DCLK1: variants seen among roughly 807,000 people sequenced by gnomAD.
The protein encoded by DCLK1 is serine/threonine-protein kinase DCLK1.
A neutral mutation model predicts 86.2 loss-of-function variants in DCLK1; 16 were observed. That is an observed-to-expected ratio of 0.19 (90% confidence interval 0.13 to 0.28). The LOEUF is 0.28. Among genes scored for constraint, DCLK1 ranks in the 10% least tolerant of loss-of-function variants. The pLI, the probability that DCLK1 is intolerant of heterozygous loss-of-function variation, is 1.00. For missense variants in DCLK1, 590 were observed against 940.2 expected, an observed-to-expected ratio of 0.63 and a Z score of 4.87; for synonymous variants, 369 against 370.5, an observed-to-expected ratio of 1.00 and a Z score of 0.05.
At position 36,117,818 on chromosome 13, in the gene DCLK1, GAA is replaced by G. The variant is rs369938399; in HGVS notation, c.377-5605_377-5604del. 9.0e-4 allele frequency among the ~76,000 whole-genome samples: 137 copies of G among 152,270 alleles called. 1 individual carries two copies. Among genetic ancestry groups the G allele is most frequent in the African/African-American group, 3.2e-3 (133 of 41,562 alleles). On this transcript the variant is annotated intron_variant, in intron 2 of 16. Coordinates refer to ENST00000360631, the MANE Select transcript of DCLK1 (RefSeq NM_001330071.2). ...AGGTTAGAAAGCAAGATGTGTCTATGAAAAGATTCCACCACAAGGCAGTAAGT... is the reference window on the plus strand; with the variant it reads ...AGGTTAGAAAGCAAGATGTGTCTATGAAGATTCCACCACAAGGCAGTAAGT...
chr13:36,026,922 GA>G (rs1882057635), intron 3 of DCLK1, among the ~76,000 whole-genome samples: 1 of 152,074 alleles, frequency 6.6e-6, no homozygotes, highest in African/African-American at 2.4e-5. Flanking sequence ...AAGGTATATT[GA>G]TATAGAGAGC....
chr13:35,878,580 G>C (rs1038240917), intron 4 of DCLK1, among the ~76,000 whole-genome samples: 1 of 151,982 alleles, frequency 6.6e-6, no homozygotes, highest in African/African-American at 2.4e-5. Flanking sequence ...AAATGAATAA[G>C]ATCTAGTATT....
chr13:36,013,739 GCTGTGGTGGGCTCCACC>G (rs1456840868), intron 3 of DCLK1, among the ~76,000 whole-genome samples: 1 of 152,218 alleles, frequency 6.6e-6, no homozygotes, highest in Non-Finnish European at 1.5e-5. Flanking sequence ...GCTTCCTTGA[GCTGTGGTGGGCTCCACC>G]CAGTTCGAGC....
intron 3 of DCLK1, among the ~76,000 whole-genome samples, chr13:36,102,418 T>C (rs117369267): frequency 5.9e-5 from 9 of 152,324 alleles, no homozygotes; most frequent in Non-Finnish European, 1.3e-4. Context: ...AGAAATGTCA[T>C]TTAACAAATT....
intron 3 of DCLK1, among the ~76,000 whole-genome samples, chr13:36,110,057 T>G (rs73527302): frequency 0.019 from 2,956 of 152,294 alleles, 108 homozygotes; most frequent in African/African-American, 0.068. Context: ...TTTATCCATA[T>G]GTATTCTTTG....
chr13:35,851,408 C>T (rs1423003361), intron 6 of DCLK1, among the ~76,000 whole-genome samples: 1 of 152,136 alleles, frequency 6.6e-6, no homozygotes, highest in Non-Finnish European at 1.5e-5. Flanking sequence ...GCTACTAGAT[C>T]TCGGTTGGTA....
chr13:36,031,096 G>A (rs941705287), intron 3 of DCLK1, among the ~76,000 whole-genome samples: 6 of 152,122 alleles, frequency 3.9e-5, no homozygotes, highest in African/African-American at 1.4e-4. Flanking sequence ...CTCAGACTCC[G>A]TCTCTGGAGT....
intron 3 of DCLK1, among the ~76,000 whole-genome samples, chr13:36,016,944 C>G (rs2153149562): frequency 6.6e-6 from 1 of 152,226 alleles, no homozygotes; most frequent in East Asian, 1.9e-4. Flanking sequence ...TTACACATGG[C>G]TAGTGGCACG....
Position 36,045,330 on chromosome 13 carries a change from G to GGATA in DCLK1, c.723+66538_723+66539insTATC, listed in dbSNP as rs1882850388. 7.1e-5 allele frequency among the ~76,000 whole-genome samples: 4 copies of GGATA among 56,622 alleles called. No homozygotes were observed. In the Admixed American group the frequency reaches 1.0e-3, roughly 15 times the overall value. 37.1% of individuals were successfully genotyped at this position (56,622 alleles called of 152,430 possible). A position where few individuals can be genotyped will look rare whatever the true frequency, so the allele number is the denominator to read the frequency against. On this transcript the variant is annotated intron_variant, in intron 3 of 16. Transcript: ENST00000360631. ...TATATGTCTATATATGTGTGTGTGT[G>GGATA]TGTATATATATATATATATATATAT...
chr13:35,937,096 A>G (rs967821380), intron 4 of DCLK1, among the ~76,000 whole-genome samples: 3 of 150,834 alleles, frequency 2.0e-5, no homozygotes, highest in African/African-American at 7.3e-5. Flanking sequence ...CAGCCTCCCA[A>G]GTAGCTGGGA....
chr13:35,898,969 G>A (rs549110924), intron 4 of DCLK1, among the ~76,000 whole-genome samples: 6 of 151,988 alleles, frequency 3.9e-5, no homozygotes, highest in South Asian at 2.1e-4. Context: ...TCAAACTCCC[G>A]GGCTCAAGTG....
At chr13:35,790,501 A>G (rs951657052) in intron 16 of DCLK1, among the ~76,000 whole-genome samples, 5 of 152,230 alleles carry the variant, frequency 3.3e-5, no homozygotes, top group African/African-American at 9.6e-5. Context: ...TAAAGGGTGT[A>G]TGTAATTCTA....
intron 15 of DCLK1, among the ~76,000 whole-genome samples, chr13:35,795,614 AT>A (rs2086792242): frequency 6.6e-6 from 1 of 152,230 alleles, no homozygotes; most frequent in East Asian, 1.9e-4. Context: ...TATATAAAAA[AT>A]GTTTTTATTA....
intron 16 of DCLK1, among the ~76,000 whole-genome samples, chr13:35,792,129 G>A (rs1344360569): frequency 5.3e-5 from 8 of 152,284 alleles, no homozygotes; most frequent in South Asian, 2.1e-4. Context: ...AAACTTCAGC[G>A]GCACTGAGGA....
intron 7 of DCLK1, among the ~76,000 whole-genome samples, chr13:35,838,060 C>T (rs1300965642): frequency 2.4e-5 from 2 of 85,046 alleles, no homozygotes; most frequent in African/African-American, 1.1e-4. Flanking sequence ...AGCGAGACTC[C>T]ATCTCAAAAA....
chr13:35,981,381 A>C (rs77552211), intron 3 of DCLK1, among the ~76,000 whole-genome samples: 5,408 of 152,078 alleles, frequency 0.036, 223 homozygotes, highest in East Asian at 0.22. Flanking sequence ...GAAGGGATGG[A>C]GATTTCCCAT....
chr13:35,991,911 G>A (rs1164830765), intron 3 of DCLK1, among the ~76,000 whole-genome samples: 2 of 151,910 alleles, frequency 1.3e-5, no homozygotes, highest in Non-Finnish European at 1.5e-5. Context: ...TCTTATACAC[G>A]GCATTGATCA....
chr13:35,967,391 G>A (rs1878826625), intron 3 of DCLK1, among the ~76,000 whole-genome samples: 1 of 152,236 alleles, frequency 6.6e-6, no homozygotes, highest in African/African-American at 2.4e-5. Flanking sequence ...AGAAAAGGGG[G>A]AAATGTGGGG....
chr13:35,815,246 T>C (rs1449757006), intron 11 of DCLK1, among the ~76,000 whole-genome samples: 2 of 152,178 alleles, frequency 1.3e-5, no homozygotes, highest in African/African-American at 4.8e-5. Context: ...ACTGAGACCA[T>C]TTGGAAAAAT....
Sources: gnomAD v4.1 joint callset for allele counts (sites outside exome capture counted in the v4.1 genomes callset) on GRCh38, gnomAD v4.1.1 for gene constraint, MANE v1.5 for transcripts, NCBI Gene and HGNC (gene_info 2026-07-23, HGNC 2026-07-21) for gene names.